Variants in DNM1 observed in about 807,000 individuals in gnomAD.
DNM1 encodes dynamin 1.
DNM1 carries 29 observed loss-of-function variants against 104.6 expected under a neutral mutation model. The observed-to-expected ratio is 0.28, with a 90% CI of 0.21 to 0.38. The LOEUF is 0.38. Ranked by LOEUF, DNM1 falls within the 10% of genes least tolerant of loss-of-function variation. The pLI is 1.00. For synonymous variants in DNM1, 445 were observed against 475.8 expected, an observed-to-expected ratio of 0.94 and a Z score of 0.84; for missense variants, 640 against 1,189.4, an observed-to-expected ratio of 0.54 and a Z score of 6.79.
At chr9:128,231,876 C>A in intron 10 of DNM1, 1 of 371,090 alleles carries the variant, frequency 2.7e-6, no homozygotes. Flanking sequence ...TGGCTTTGAA[C>A]CCAGGGCTGA....
chr9:128,253,801 T>G lies in DNM1; in HGVS notation c.2535-853T>G. The G allele has an allele frequency of 1.8e-6, 1 of 569,390 alleles. No individual in the cohort carries two copies. The highest frequency in any genetic ancestry group is 2.6e-6 in the Non-Finnish European group (1 of 387,106). 35.3% of individuals were successfully genotyped at this position (569,390 alleles called of 1,614,324 possible). A position where few individuals can be genotyped will look rare whatever the true frequency, so the allele number is the denominator to read the frequency against. On this transcript the variant is annotated intron_variant, in intron 21 of 21. Transcript: ENST00000372923. This position sits in a 1 kb window ranked among gnomAD's most constrained non-coding sequence, Gnocchi z 5.9. Reference sequence around the variant, plus strand: ...CCCTCCCAGGTACCGTCATAGCTGCTAGTGTGACTGAAGGCAGTGTCCCTG... The same window carrying G: ...CCCTCCCAGGTACCGTCATAGCTGCGAGTGTGACTGAAGGCAGTGTCCCTG...
chr9:128,231,458 C>G (rs1014775611), intron 10 of DNM1, among the ~76,000 whole-genome samples: 1 of 152,140 alleles, frequency 6.6e-6, no homozygotes, highest in Non-Finnish European at 1.5e-5. Flanking sequence ...ACCTCGGCCT[C>G]CCAATGTACT....
At position 128,205,685 on chromosome 9, in the gene DNM1, G is replaced by A. The variant is rs185833023; in HGVS notation, c.161+2054G>A. Among the ~76,000 whole-genome samples, 182 of 152,314 alleles carry A rather than the reference G, an allele frequency of 1.2e-3. 1 individual carries two copies. The highest frequency in any genetic ancestry group is 3.0e-3 in the Admixed American group (46 of 15,294). On this transcript the variant is annotated intron_variant, in intron 1 of 21. Transcript: ENST00000372923. ...TGAGAAGGTGACTGTGGGCTCCACC[G>A]AGTTCATGGGTGGAAAGGTGCTTTT...
chr9:128,228,622 C>T lies in DNM1; in HGVS notation c.1335+4233C>T, dbSNP rs563778102. 5.3e-5 allele frequency among the ~76,000 whole-genome samples: 8 copies of T among 152,178 alleles called. No individual in the cohort carries two copies. In the South Asian group the frequency reaches 1.2e-3, roughly 24 times the overall value. ...TAGGAATCTATCCTAAGGAAACAAT[C>T]GCAGAGAAAGAAAAGCAAAACTATC... On this transcript the variant is annotated intron_variant, in intron 10 of 21. Transcript: ENST00000372923.
chr9:128,239,234 G>A (rs1836205723), intron 11 of DNM1, among the ~76,000 whole-genome samples: 1 of 152,052 alleles, frequency 6.6e-6, no homozygotes, highest in Non-Finnish European at 1.5e-5. Flanking sequence ...CTAGGCTCAA[G>A]CAATCCTCCC....
At position 128,250,926 on chromosome 9, in the gene DNM1, G is replaced by T; in HGVS notation, c.2520G>T (p.Pro840=). 2.9e-6 allele frequency: 4 copies of T among 1,370,810 alleles called. No individual in the cohort carries two copies. Among genetic ancestry groups the T allele is most frequent in the South Asian group, 3.4e-5 (2 of 58,918 alleles). 84.9% of individuals were successfully genotyped at this position (1,370,810 alleles called of 1,614,324 possible). A position where few individuals can be genotyped will look rare whatever the true frequency, so the allele number is the denominator to read the frequency against. ...TGCCCTCGCGCCCCAACCGCGCCCC[G>T]CCCGGGGTCCCCAGGTGAGTAGGGG... ...PQVPSRPNRA[P]PGVPSRSGQA... is the part of the protein sequence containing the mutation. Residue 840 remains proline (P), a synonymous_variant, in exon 21 of 22, where the codon CCG becomes CCT. Transcript: ENST00000372923.
intron 10 of DNM1, chr9:128,226,235 C>T (rs547629869): frequency 1.8e-4 from 293 of 1,599,822 alleles, no homozygotes; most frequent in African/African-American, 3.1e-4. Context: ...CACAGCCTCC[C>T]GTGGGCAGAA....
In DNM1 at chr9:128,218,356, C is replaced by T. The variant is rs763758877; in HGVS notation, c.235+52C>T. The T allele has an allele frequency of 1.9e-6, 3 of 1,597,372 alleles. No homozygotes were observed. The highest frequency in any genetic ancestry group is 3.3e-4 in the Middle Eastern group (2 of 6,024). The stretch of plus-strand genomic sequence containing the variant: ...AGGCCTGCCCACTCCAGCCTCTCCC[C>T]CGTCCCCAAGCTGAGGGCCAGCCTG... On this transcript the variant is annotated intron_variant, in intron 2 of 21. Coordinates refer to ENST00000372923, the MANE Select transcript of DNM1 (RefSeq NM_004408.4). This position sits in a 1 kb window ranked among gnomAD's most constrained non-coding sequence, Gnocchi z 4.8.
At chr9:128,241,340 A>C (rs2131259183) in intron 14 of DNM1, among the ~76,000 whole-genome samples, 1 of 152,266 alleles carries the variant, frequency 6.6e-6, no homozygotes. Context: ...AGTAGAATCC[A>C]CAGGCCCTGG....
In DNM1 at chr9:128,247,167, C is replaced by T; in HGVS notation, c.1782-208C>T. ...CATTTTACCACTCACTTCACTGAAT[C>T]CTCAGTGACCCAAGGAGGCAGGAAT... On this transcript the variant is annotated intron_variant, in intron 16 of 21. Transcript: ENST00000372923. The surrounding 1 kb of genome is among the most constrained non-coding windows in gnomAD (Gnocchi z 5.1). The T allele has an allele frequency of 2.1e-6, 1 of 483,514 alleles. No homozygotes were observed. The highest frequency in any genetic ancestry group is 3.2e-5 in the East Asian group (1 of 31,614). The allele number at this position is 483,514 out of a possible 1,614,324, so 30.0% of individuals were successfully genotyped here. A position where few individuals can be genotyped will look rare whatever the true frequency, so the allele number is the denominator to read the frequency against.
At position 128,240,049 on chromosome 9, in the gene DNM1, C is replaced by T; in HGVS notation, c.1557+53C>T. ...TTGTGTAGTGAGGGGGCGGAGGGTC[C>T]ATCGGCAGTGGGGATCTGCAACGGG... On this transcript the variant is annotated intron_variant, in intron 14 of 21. Coordinates refer to ENST00000372923, the MANE Select transcript of DNM1 (RefSeq NM_004408.4). This position sits in a 1 kb window ranked among gnomAD's most constrained non-coding sequence, Gnocchi z 5.1. 1 of 1,607,836 alleles carries T rather than the reference C, an allele frequency of 6.2e-7. No individual in the cohort carries two copies. Among genetic ancestry groups the T allele is most frequent in the East Asian group, 2.2e-5 (1 of 44,836 alleles).
In DNM1 at chr9:128,218,863, C is replaced by T; in HGVS notation, c.385+132C>T. Reference sequence around the variant, plus strand: ...CTGCATCATCCTATTCCAAGCTCCACCCTGCCGTGATTCCGCCCACTTCCG... The same window carrying T: ...CTGCATCATCCTATTCCAAGCTCCATCCTGCCGTGATTCCGCCCACTTCCG... On this transcript the variant is annotated intron_variant, in intron 3 of 21. Coordinates refer to ENST00000372923, the MANE Select transcript of DNM1 (RefSeq NM_004408.4). This position sits in a 1 kb window ranked among gnomAD's most constrained non-coding sequence, Gnocchi z 4.8. 7.3e-7 allele frequency: 1 copy of T among 1,371,466 alleles called. No homozygotes were observed. The highest frequency in any genetic ancestry group is 1.4e-5 in the African/African-American group (1 of 69,444). The allele number at this position is 1,371,466 out of a possible 1,614,324, so 85.0% of individuals were successfully genotyped here. A position where few individuals can be genotyped will look rare whatever the true frequency, so the allele number is the denominator to read the frequency against.
Position 128,225,922 on chromosome 9 carries a change from G to T in DNM1, c.1335+1533G>T, listed in dbSNP as rs185078166. The T allele has an allele frequency of 4.7e-4, 402 of 852,686 alleles. 2 individuals are homozygous for T. The African/African-American group carries it at 6.3e-3, about 13-fold the overall frequency. The allele number at this position is 852,686 out of a possible 1,614,324, so 52.8% of individuals were successfully genotyped here. On this transcript the variant is annotated intron_variant, in intron 10 of 21. Transcript: ENST00000372923. ...TCGATGTCTCTCTCTCTTCCCCCGT[G>T]CCCGTGCCATCCTCTCCACCCCTGG...
At chr9:128,233,647 A>C in intron 10 of DNM1, 2 of 248,780 alleles carry the variant, frequency 8.0e-6, no homozygotes, top group East Asian at 1.2e-4. Context: ...AGCCCTGAGT[A>C]TGAGGGAACA....
rs1554773876 is a variant in DNM1 at position 128,220,885 on chromosome 9, T to TTTTTTC, written c.849+547_849+548insTTCTTT. ...CCTCTATTTCTTTTTTCTTTATTTG[T>TTTTTTC]TTTCTTTCTTTCTTTCTTTCTTTCT... On this transcript the variant is annotated intron_variant, in intron 6 of 21. Coordinates refer to ENST00000372923, the MANE Select transcript of DNM1 (RefSeq NM_004408.4). The surrounding 1 kb of genome is among the most constrained non-coding windows in gnomAD (Gnocchi z 5.2). 4.1e-4 allele frequency among the ~76,000 whole-genome samples: 48 copies of TTTTTTC among 117,526 alleles called. No individual in the cohort carries two copies. The highest frequency in any genetic ancestry group is 7.6e-4 in the Non-Finnish European group (43 of 56,702). The allele number at this position is 117,526 out of a possible 152,430, so 77.1% of individuals were successfully genotyped here.
At chr9:128,227,660 G>A (rs573387642) in intron 10 of DNM1, among the ~76,000 whole-genome samples, 39 of 152,234 alleles carry the variant, frequency 2.6e-4, no homozygotes, top group African/African-American at 8.9e-4. Flanking sequence ...GGGATTACAG[G>A]TGTGAGCCAC....
chr9:128,239,580 G>GTA, intron 12 of DNM1, 65 bp downstream of exon 12: 2 of 1,036,072 alleles, frequency 1.9e-6, no homozygotes, highest in Non-Finnish European at 2.9e-6. Flanking sequence ...GTGTGTGTGT[G>GTA]TGTGTGTGTG....
In DNM1 at chr9:128,247,326, G is replaced by A; in HGVS notation, c.1782-49G>A. On this transcript the variant is annotated intron_variant, in intron 16 of 21. Transcript: ENST00000372923. This position sits in a 1 kb window ranked among gnomAD's most constrained non-coding sequence, Gnocchi z 5.1. ...TCTGGGCATGCCCTTAACCCCCAGGGAGGGTCAGACTTTGCCCATCTGCCC... is the reference window on the plus strand; with the variant it reads ...TCTGGGCATGCCCTTAACCCCCAGGAAGGGTCAGACTTTGCCCATCTGCCC... 7.3e-7 allele frequency: 1 copy of A among 1,368,430 alleles called. No homozygotes were observed. 84.8% of individuals were successfully genotyped at this position (1,368,430 alleles called of 1,614,324 possible).
intron 1 of DNM1, among the ~76,000 whole-genome samples, chr9:128,208,894 T>C (rs532258013): frequency 4.6e-5 from 7 of 152,180 alleles, no homozygotes; most frequent in African/African-American, 1.7e-4. Flanking sequence ...CAAGCCAAGG[T>C]GTGGACTTCC....
Sources: gnomAD v4.1 joint callset for allele counts (sites outside exome capture counted in the v4.1 genomes callset) on GRCh38, gnomAD v4.1.1 for gene constraint, Gnocchi (gnomAD v3.1) non-coding constraint, MANE v1.5 for transcripts, NCBI Gene and HGNC (gene_info 2026-07-23, HGNC 2026-07-21) for gene names.